Variants in BICC1 observed in about 807,000 individuals in gnomAD.
BICC1 encodes protein bicaudal C homolog 1.
Under a neutral mutation model 111.0 loss-of-function variants are expected in BICC1, and 43 were observed. The ratio of observed to expected loss-of-function variants is 0.39; its 90% CI spans 0.30 to 0.50. The LOEUF is 0.50. Ranked by LOEUF, BICC1 falls within the 20% of genes least tolerant of loss-of-function variation. BICC1 has a pLI of 0.88. For missense variants in BICC1, 1,091 were observed against 1,203.2 expected (o/e 0.91, Z 1.38); for synonymous variants, 467 against 434.4 (o/e 1.07, Z -0.93).
intron 1 of BICC1, among the ~76,000 whole-genome samples, chr10:58,591,150 C>T (rs897068672): frequency 4.6e-5 from 7 of 152,086 alleles, no homozygotes; most frequent in Admixed American, 6.5e-5. Flanking sequence ...TGTTTGCTAA[C>T]GTTGCTTTAG....
intron 3 of BICC1, among the ~76,000 whole-genome samples, chr10:58,733,372 T>C (rs1841376157): frequency 6.6e-6 from 1 of 152,244 alleles, no homozygotes; most frequent in South Asian, 2.1e-4. Flanking sequence ...GTGATTCTAA[T>C]CTGTAAAAAA....
intron 2 of BICC1, among the ~76,000 whole-genome samples, chr10:58,686,721 G>A (rs549926032): frequency 1.3e-5 from 2 of 152,204 alleles, no homozygotes; most frequent in East Asian, 1.9e-4. Flanking sequence ...GTTTCATAAG[G>A]TTATTTAAGG....
At chr10:58,785,954 C>T (rs1022685517) in intron 4 of BICC1, among the ~76,000 whole-genome samples, 1 of 152,056 alleles carries the variant, frequency 6.6e-6, no homozygotes, top group Non-Finnish European at 1.5e-5. Context: ...AAAAAAATTA[C>T]TCCCCTGATA....
intron 3 of BICC1, among the ~76,000 whole-genome samples, chr10:58,775,197 A>G (rs1250647090): frequency 6.6e-6 from 1 of 152,038 alleles, no homozygotes; most frequent in Non-Finnish European, 1.5e-5. Context: ...ACATGGAGAA[A>G]CTGCATCTCT....
intron 1 of BICC1, among the ~76,000 whole-genome samples, chr10:58,614,343 T>C (rs768628712): frequency 2.0e-4 from 30 of 152,178 alleles, no homozygotes; most frequent in Non-Finnish European, 4.0e-4. Context: ...GACCATGATC[T>C]AACCAACAAC....
At chr10:58,755,685 T>A (rs1328251716) in intron 3 of BICC1, among the ~76,000 whole-genome samples, 8 of 151,884 alleles carry the variant, frequency 5.3e-5, no homozygotes. Context: ...TTCTCCTTTT[T>A]ATTTTTTTTT....
chr10:58,789,140 A>G (rs1843099486), intron 6 of BICC1, 122 bp from the exon 7 acceptor site: 2 of 779,594 alleles, frequency 2.6e-6, no homozygotes, highest in Non-Finnish European at 4.0e-6. Flanking sequence ...GCTAAACTTA[A>G]TATCTATAAG....
chr10:58,705,414 A>G (rs561372836), intron 3 of BICC1, among the ~76,000 whole-genome samples: 76 of 152,172 alleles, frequency 5.0e-4, no homozygotes, highest in African/African-American at 1.8e-3. Context: ...TCATCTTTGT[A>G]GTCAGTTAAT....
Position 58,800,925 on chromosome 10 carries a change from C to A in BICC1, c.1894C>A (p.Arg632=), listed in dbSNP as rs762053545. Reference sequence around the variant, plus strand: ...TGCTTTTGTTGAAGTAGGCATGCCTCGAAGTCCTTCCCATTCTGGGAATGC... The same window carrying A: ...TGCTTTTGTTGAAGTAGGCATGCCTAGAAGTCCTTCCCATTCTGGGAATGC... ...NDAFVEVGMP[R]SPSHSGNAGD... is the part of the protein sequence containing the mutation. Residue 632 remains arginine, a synonymous_variant, in exon 14 of 21, where the codon CGA becomes AGA. Transcript: ENST00000373886. The A allele has an allele frequency of 8.1e-6, 13 of 1,608,816 alleles. No individual in the cohort carries two copies.
At chr10:58,732,010 A>G (rs1841314938) in intron 3 of BICC1, among the ~76,000 whole-genome samples, 1 of 152,130 alleles carries the variant, frequency 6.6e-6, no homozygotes, top group South Asian at 2.1e-4. Flanking sequence ...CATTTCCTTC[A>G]AGAACTTTTC....
At chr10:58,808,136 G>C (rs900845036) in intron 17 of BICC1, among the ~76,000 whole-genome samples, 1 of 148,758 alleles carries the variant, frequency 6.7e-6, no homozygotes, top group Admixed American at 6.7e-5. Flanking sequence ...AATACTAAAA[G>C]AGTCTCCTGT....
chr10:58,566,693 A>G (rs1843775069), intron 1 of BICC1, among the ~76,000 whole-genome samples: 1 of 151,724 alleles, frequency 6.6e-6, no homozygotes, highest in Non-Finnish European at 1.5e-5. Context: ...GACTATGGCC[A>G]TTTTTGCAGG....
intron 1 of BICC1, among the ~76,000 whole-genome samples, chr10:58,603,377 T>C (rs573341978): frequency 6.6e-5 from 10 of 152,184 alleles, no homozygotes; most frequent in Non-Finnish European, 1.2e-4. Context: ...GAGACTTACC[T>C]GTGTGTAAAA....
chr10:58,769,404 G>GTATA lies in BICC1; in HGVS notation c.308-15578_308-15575dup, dbSNP rs59606054. 5.2e-3 allele frequency among the ~76,000 whole-genome samples: 569 copies of GTATA among 109,738 alleles called. 6 individuals are homozygous for GTATA. Among genetic ancestry groups the GTATA allele is most frequent in the African/African-American group, 0.017 (525 of 31,392 alleles). 72.0% of individuals were successfully genotyped at this position (109,738 alleles called of 152,430 possible). ...TGTGTGTGTGTGTGTGTGTGTGTGT[G>GTATA]TATATATATATATATATATATAATC... On this transcript the variant is annotated intron_variant, in intron 3 of 20. Transcript: ENST00000373886.
chr10:58,714,957 C>T (rs1303220588), intron 3 of BICC1, among the ~76,000 whole-genome samples: 1 of 151,406 alleles, frequency 6.6e-6, no homozygotes, highest in Non-Finnish European at 1.5e-5. Flanking sequence ...CGCCTGTAAT[C>T]CCAGCTACTC....
intron 1 of BICC1, among the ~76,000 whole-genome samples, chr10:58,565,883 G>T (rs188819368): frequency 2.0e-5 from 3 of 152,178 alleles, no homozygotes; most frequent in Admixed American, 2.0e-4. Flanking sequence ...AAGTTCTTTA[G>T]TGGTGATTTC....
At chr10:58,822,467 A>G (rs1033159515) in intron 20 of BICC1, among the ~76,000 whole-genome samples, 4 of 152,108 alleles carry the variant, frequency 2.6e-5, no homozygotes, top group Non-Finnish European at 4.4e-5. Context: ...TTAAAAAAAT[A>G]ATATTTTTTC....
chr10:58,512,752 G>GC (rs1842121474), upstream of BICC1, among the ~76,000 whole-genome samples: 1 of 151,466 alleles, frequency 6.6e-6, no homozygotes, highest in Non-Finnish European at 1.5e-5. Flanking sequence ...GCCAGGGGCC[G>GC]CCCGCCCGCC....
chr10:58,694,302 G>T (rs553377075), intron 2 of BICC1, among the ~76,000 whole-genome samples: 1 of 152,134 alleles, frequency 6.6e-6, no homozygotes, highest in Non-Finnish European at 1.5e-5. Context: ...GACTACTTGC[G>T]TTGCCATCTG....
Sources: allele counts gnomAD v4.1 joint callset (sites outside exome capture counted in the v4.1 genomes callset), GRCh38; gene constraint gnomAD v4.1.1; transcripts MANE v1.5; gene names NCBI Gene and HGNC (gene_info 2026-07-23, HGNC 2026-07-21).